APP: variants seen among roughly 807,000 people sequenced by gnomAD.
APP encodes amyloid-beta precursor protein.
APP carries 31 observed loss-of-function variants against 101.4 expected under a neutral mutation model. That is an observed-to-expected ratio of 0.31 (90% CI 0.23 to 0.41). APP has a LOEUF of 0.41. Ranked by LOEUF, APP falls within the 10% of genes least tolerant of loss-of-function variation. APP has a pLI of 1.00. For synonymous variants in APP, 366 were observed against 364.4 expected (o/e 1.00, Z -0.05); for missense variants, 839 against 1,003.7 (o/e 0.84, Z 2.22).
chr21:25,967,203 A>G lies in APP; in HGVS notation c.1458+7867T>C, dbSNP rs45468200. On this transcript the variant is annotated intron_variant, in intron 11 of 17. Transcript: ENST00000346798. ...TGCCGATGCTATAGAAACTGCCAAC[A>G]TTTTTTTTTTGCTCAATTAAACTGA... Among the ~76,000 whole-genome samples, 834 of 150,156 alleles carry G rather than the reference A, an allele frequency of 5.6e-3. 8 individuals carry two copies. Among genetic ancestry groups the G allele is most frequent in the African/African-American group, 0.019 (784 of 41,020 alleles).
At chr21:26,033,012 T>C (rs2044910546) in intron 5 of APP, among the ~76,000 whole-genome samples, 1 of 152,104 alleles carries the variant, frequency 6.6e-6, no homozygotes, top group South Asian at 2.1e-4. Flanking sequence ...AAGAATAATC[T>C]GTTGAAGAGG....
At chr21:26,059,025 G>A (rs897151240) in intron 3 of APP, among the ~76,000 whole-genome samples, 4 of 149,556 alleles carry the variant, frequency 2.7e-5, no homozygotes, top group African/African-American at 9.9e-5. Flanking sequence ...AGCTTGCAGT[G>A]AGCCGAGATC....
intron 5 of APP, among the ~76,000 whole-genome samples, chr21:26,049,616 CAGAAGCAACTAA>C (rs1447007633): frequency 6.6e-6 from 1 of 152,036 alleles, no homozygotes; most frequent in Non-Finnish European, 1.5e-5. Context: ...TTAGAAATCC[CAGAAGCAACTAA>C]AGAAAGAAAT....
chr21:26,122,748 T>A (rs989708573), intron 1 of APP, among the ~76,000 whole-genome samples: 2 of 151,568 alleles, frequency 1.3e-5, no homozygotes, highest in Admixed American at 6.6e-5. Context: ...TTTAATAAAA[T>A]TTTTTTATTA....
rs1459030156 is a variant in APP at position 25,923,000 on chromosome 21, C to T, written c.1688-11038G>A. On this transcript the variant is annotated intron_variant, in intron 13 of 17. Coordinates refer to ENST00000346798, the MANE Select transcript of APP (RefSeq NM_000484.4). ...AACTATACTACAAGGCTACAGTAAC[C>T]GAAACAGCATGGTACTGGTACCAAA... Among the ~76,000 whole-genome samples, 12 of 148,424 alleles carry T rather than the reference C, an allele frequency of 8.1e-5. No individual in the cohort carries two copies. In the East Asian group the frequency reaches 1.2e-3, roughly 15 times the overall value.
intron 11 of APP, among the ~76,000 whole-genome samples, chr21:25,963,589 T>C (rs1319721919): frequency 6.6e-6 from 1 of 152,214 alleles, no homozygotes; most frequent in African/African-American, 2.4e-5. Context: ...AATTCTCTCC[T>C]GCTTTCATAA....
chr21:26,102,873 G>C (rs986933735), intron 2 of APP, among the ~76,000 whole-genome samples: 2 of 136,358 alleles, frequency 1.5e-5, no homozygotes, highest in African/African-American at 5.8e-5. Flanking sequence ...CTGGTTGATG[G>C]AGTGGGACTC....
chr21:25,908,299 T>C (rs2038892015), intron 14 of APP, among the ~76,000 whole-genome samples: 2 of 152,254 alleles, frequency 1.3e-5, no homozygotes, highest in African/African-American at 4.8e-5. Flanking sequence ...AACTCTGATA[T>C]GCTTATTTTC....
At position 25,891,877 on chromosome 21, in the gene APP, C is replaced by G. The variant is rs2037721025; in HGVS notation, c.2065-9G>C. 2 of 1,612,456 alleles carry G rather than the reference C, an allele frequency of 1.2e-6. No homozygotes were observed. Among genetic ancestry groups the G allele is most frequent in the East Asian group, 2.2e-5 (1 of 44,826 alleles). The stretch of plus-strand genomic sequence containing the variant: ...TCTTCTGCAAAGAACACCTTGAAAA[C>G]AAATTAAGAAAAAGAATTTTAATTT... On this transcript the variant is annotated splice_polypyrimidine_tract_variant and intron_variant, in intron 16 of 17. Transcript: ENST00000346798.
chr21:25,889,339 GA>G (rs1310409235), intron 17 of APP, among the ~76,000 whole-genome samples: 1 of 152,160 alleles, frequency 6.6e-6, no homozygotes, highest in Non-Finnish European at 1.5e-5. Context: ...AAACCAAGGA[GA>G]GATGCCTGGG....
intron 1 of APP, among the ~76,000 whole-genome samples, chr21:26,164,607 T>A (rs2063566891): frequency 1.3e-5 from 2 of 151,914 alleles, no homozygotes; most frequent in African/African-American, 4.8e-5. Context: ...AAAAAATAGG[T>A]CTCTGGGAGG....
intron 13 of APP, among the ~76,000 whole-genome samples, chr21:25,916,070 C>A (rs2039334604): frequency 6.6e-6 from 1 of 151,956 alleles, no homozygotes; most frequent in African/African-American, 2.4e-5. Flanking sequence ...CTGGCTATGT[C>A]ATTCAGAACA....
intron 5 of APP, among the ~76,000 whole-genome samples, chr21:26,022,673 A>G (rs2044394132): frequency 6.6e-6 from 1 of 152,172 alleles, no homozygotes; most frequent in South Asian, 2.1e-4. Flanking sequence ...GTCCATTATA[A>G]AAAGTGGGGT....
intron 1 of APP, among the ~76,000 whole-genome samples, chr21:26,147,355 T>G (rs887909288): frequency 6.6e-6 from 1 of 152,220 alleles, no homozygotes; most frequent in Admixed American, 6.5e-5. Flanking sequence ...TAAAGAATTC[T>G]TCTCTCAGTG....
At chr21:26,080,927 C>A (rs866679173) in intron 3 of APP, among the ~76,000 whole-genome samples, 2 of 151,878 alleles carry the variant, frequency 1.3e-5, no homozygotes, top group Non-Finnish European at 2.9e-5. Context: ...AGGCCTGCAG[C>A]GGACAGTATT....
intron 1 of APP, chr21:26,140,551 A>G: frequency 3.6e-6 from 1 of 275,382 alleles, no homozygotes. Context: ...CTGCTGGCCC[A>G]AATTCCATCC....
intron 4 of APP, among the ~76,000 whole-genome samples, chr21:26,051,427 A>G (rs879643435): frequency 7.2e-5 from 11 of 152,224 alleles, no homozygotes; most frequent in Non-Finnish European, 1.6e-4. Flanking sequence ...ACGATGTTAT[A>G]TAATAGAGGT....
At chr21:26,008,502 T>C (rs938659881) in intron 6 of APP, among the ~76,000 whole-genome samples, 1 of 152,204 alleles carries the variant, frequency 6.6e-6, no homozygotes, top group Non-Finnish European at 1.5e-5. Context: ...GCTGGGAAAC[T>C]GGCACTGTCT....
intron 13 of APP, among the ~76,000 whole-genome samples, chr21:25,922,466 T>TA (rs202115138): frequency 0.56 from 29,310 of 51,894 alleles, 10,263 homozygotes; most frequent in Non-Finnish European, 0.81. Flanking sequence ...CATGATTGTT[T>TA]ATCTAGAAAA....
Sources: gnomAD v4.1 joint callset for allele counts (sites outside exome capture counted in the v4.1 genomes callset) on GRCh38, gnomAD v4.1.1 for gene constraint, MANE v1.5 for transcripts, NCBI Gene and HGNC (gene_info 2026-07-23, HGNC 2026-07-21) for gene names.